GALNT18: variants seen among roughly 807,000 people sequenced by gnomAD.
GALNT18 encodes the protein polypeptide N-acetylgalactosaminyltransferase 18, also known as GalNAc-transferase 18.
GALNT18 carries 44 observed loss-of-function variants against 69.5 expected under a neutral mutation model. The observed-to-expected ratio is 0.63, with a 90% CI of 0.50 to 0.81. GALNT18 has a LOEUF of 0.81. GALNT18 is among the 40% of genes least tolerant of loss of function. GALNT18 has a pLI of 0.00. For missense variants in GALNT18, 715 were observed against 810.0 expected (o/e 0.88, Z 1.42); for synonymous variants, 364 against 318.2 (o/e 1.14, Z -1.53).
At chr11:11,520,820 G>A (rs1447981757) in intron 1 of GALNT18, among the ~76,000 whole-genome samples, 1 of 152,156 alleles carries the variant, frequency 6.6e-6, no homozygotes, top group Non-Finnish European at 1.5e-5. Context: ...GAGGGGCGTG[G>A]GCCAGGCAAG....
intron 1 of GALNT18, among the ~76,000 whole-genome samples, chr11:11,504,759 A>AT (rs1279850708): frequency 5.8e-5 from 6 of 102,710 alleles, no homozygotes; most frequent in East Asian, 4.3e-4. Flanking sequence ...CCCCATCTCA[A>AT]AATATATATA....
chr11:11,397,062 AC>A (rs1854349294), intron 3 of GALNT18, among the ~76,000 whole-genome samples: 1 of 151,766 alleles, frequency 6.6e-6, no homozygotes, highest in Admixed American at 6.6e-5. Context: ...ACATACACAG[AC>A]CCCCTTTTGC....
At chr11:11,481,877 T>C (rs1856538173) in intron 1 of GALNT18, among the ~76,000 whole-genome samples, 1 of 152,234 alleles carries the variant, frequency 6.6e-6, no homozygotes, top group East Asian at 1.9e-4. Context: ...CATAGCTCAG[T>C]GTCAGGCCCC....
chr11:11,321,201 A>G (rs1183169736), intron 9 of GALNT18, among the ~76,000 whole-genome samples: 1 of 152,194 alleles, frequency 6.6e-6, no homozygotes, highest in Non-Finnish European at 1.5e-5. Context: ...AAGAAGCCCA[A>G]TCCAGCTTTA....
chr11:11,313,282 T>A (rs906139091), intron 9 of GALNT18, among the ~76,000 whole-genome samples: 1 of 152,140 alleles, frequency 6.6e-6, no homozygotes, highest in Non-Finnish European at 1.5e-5. Flanking sequence ...AGGGAGCTGA[T>A]GAGCCTGTGG....
intron 3 of GALNT18, among the ~76,000 whole-genome samples, chr11:11,401,508 A>G (rs563441288): frequency 4.6e-5 from 7 of 152,288 alleles, no homozygotes; most frequent in East Asian, 1.9e-4. Context: ...CCTGTAACGC[A>G]TGCAGATGCT....
intron 1 of GALNT18, among the ~76,000 whole-genome samples, chr11:11,460,222 G>A (rs950281215): frequency 1.4e-4 from 21 of 152,150 alleles, no homozygotes; most frequent in African/African-American, 4.8e-4. Flanking sequence ...CAGGTTCCAG[G>A]GATTAGGATG....
intron 9 of GALNT18, among the ~76,000 whole-genome samples, chr11:11,323,345 G>C (rs183034699): frequency 6.6e-6 from 1 of 152,332 alleles, no homozygotes; most frequent in East Asian, 1.9e-4. Flanking sequence ...ACACAACTGT[G>C]GGAAAGGCAT....
Position 11,584,913 on chromosome 11 carries a change from A to G in GALNT18, c.235+36446T>C, listed in dbSNP as rs1349571143. ...GATAATATTTTTCCCCAGTGATAAAATCCAAGCTTTTAAGGAAAATTTATA... is the reference window on the plus strand; with the variant it reads ...GATAATATTTTTCCCCAGTGATAAAGTCCAAGCTTTTAAGGAAAATTTATA... On this transcript the variant is annotated intron_variant, in intron 1 of 10. Coordinates refer to ENST00000227756, the MANE Select transcript of GALNT18 (RefSeq NM_198516.3). The surrounding 1 kb of genome is among the most constrained non-coding windows in gnomAD (Gnocchi z 4.1). Among the ~76,000 whole-genome samples the G allele has an allele frequency of 3.3e-5, 5 of 152,344 alleles. No homozygotes were observed. The highest frequency in any genetic ancestry group is 1.2e-4 in the African/African-American group (5 of 41,586).
intron 1 of GALNT18, among the ~76,000 whole-genome samples, chr11:11,547,252 C>A (rs1858076425): frequency 6.6e-6 from 1 of 151,508 alleles, no homozygotes; most frequent in East Asian, 2.0e-4. Context: ...TCTCCTAGTT[C>A]TGGGTGAGAC....
chr11:11,373,466 C>G (rs1221797449), intron 5 of GALNT18, among the ~76,000 whole-genome samples: 1 of 152,188 alleles, frequency 6.6e-6, no homozygotes, highest in Non-Finnish European at 1.5e-5. Flanking sequence ...CTCATCAATA[C>G]AGGGGCACAG....
intron 10 of GALNT18, among the ~76,000 whole-genome samples, chr11:11,289,878 G>C (rs1319947590): frequency 6.6e-6 from 1 of 152,190 alleles, no homozygotes; most frequent in Non-Finnish European, 1.5e-5. Context: ...AGGTGGGCTT[G>C]CTGTGCTATT....
intron 1 of GALNT18, among the ~76,000 whole-genome samples, chr11:11,513,791 A>G (rs1056250951): frequency 6.6e-6 from 1 of 152,074 alleles, no homozygotes; most frequent in Admixed American, 6.5e-5. Context: ...AACATAATTT[A>G]TTTATTTATT....
At chr11:11,362,449 A>G (rs541809559) in intron 6 of GALNT18, among the ~76,000 whole-genome samples, 2 of 152,302 alleles carry the variant, frequency 1.3e-5, no homozygotes, top group South Asian at 4.1e-4. Context: ...ATGATGGGCA[A>G]AGTATTACCA....
chr11:11,521,735 A>C (rs891094131), intron 1 of GALNT18, among the ~76,000 whole-genome samples: 10 of 152,174 alleles, frequency 6.6e-5, no homozygotes, highest in Non-Finnish European at 1.2e-4. Context: ...CTTCCGATGA[A>C]GCTTATGTGA....
At position 11,372,726 on chromosome 11, in the gene GALNT18, C is replaced by T; in HGVS notation, c.978-97G>A. The T allele has an allele frequency of 1.1e-6, 1 of 939,890 alleles. No individual in the cohort carries two copies. Among genetic ancestry groups the T allele is most frequent in the Non-Finnish European group, 1.7e-6 (1 of 602,146 alleles). The allele number at this position is 939,890 out of a possible 1,614,324, so 58.2% of individuals were successfully genotyped here. On this transcript the variant is annotated intron_variant, in intron 5 of 10. Coordinates refer to ENST00000227756, the MANE Select transcript of GALNT18 (RefSeq NM_198516.3). This position sits in a 1 kb window ranked among gnomAD's most constrained non-coding sequence, Gnocchi z 4.9. ...CTATCAGGAGGGTCTGGTTCTCTTCCTTCCTTTGCTGCCAGAGCCAGTGTG... is the reference window on the plus strand; with the variant it reads ...CTATCAGGAGGGTCTGGTTCTCTTCTTTCCTTTGCTGCCAGAGCCAGTGTG...
In GALNT18 at chr11:11,415,522, T is replaced by C. The variant is rs1476819961; in HGVS notation, c.595+17099A>G. 6.6e-6 allele frequency among the ~76,000 whole-genome samples: 1 copy of C among 151,848 alleles called. No homozygotes were observed. The highest frequency in any genetic ancestry group is 2.4e-5 in the African/African-American group (1 of 41,308). Reference sequence around the variant, plus strand: ...ATAAGTAAAAACAAAAAGAGTCTAGTGGGAAATATGAGAAAGGAGAGGAGA... The same window carrying C: ...ATAAGTAAAAACAAAAAGAGTCTAGCGGGAAATATGAGAAAGGAGAGGAGA... On this transcript the variant is annotated intron_variant, in intron 3 of 10. Transcript: ENST00000227756. This position sits in a 1 kb window ranked among gnomAD's most constrained non-coding sequence, Gnocchi z 4.1.
rs1049449960 is a variant in GALNT18 at position 11,586,269 on chromosome 11, A to T, written c.235+35090T>A. Among the ~76,000 whole-genome samples the T allele has an allele frequency of 5.3e-5, 8 of 152,166 alleles. No individual in the cohort carries two copies. Among genetic ancestry groups the T allele is most frequent in the African/African-American group, 1.7e-4 (7 of 41,436 alleles). Reference sequence around the variant, plus strand: ...TGTGCTACTTATGTTAATTTATGTAATTGGGTTTATTATTGCCATTGTTAA... The same window carrying T: ...TGTGCTACTTATGTTAATTTATGTATTTGGGTTTATTATTGCCATTGTTAA... On this transcript the variant is annotated intron_variant, in intron 1 of 10. Coordinates refer to ENST00000227756, the MANE Select transcript of GALNT18 (RefSeq NM_198516.3). This position sits in a 1 kb window ranked among gnomAD's most constrained non-coding sequence, Gnocchi z 4.1.
At chr11:11,446,287 G>T (rs1193770130) in intron 2 of GALNT18, among the ~76,000 whole-genome samples, 4 of 152,214 alleles carry the variant, frequency 2.6e-5, no homozygotes, top group Admixed American at 2.6e-4. Flanking sequence ...CCCAGTTGTT[G>T]TTATAACCAG....
Sources: allele counts gnomAD v4.1 joint callset (sites outside exome capture counted in the v4.1 genomes callset), GRCh38; gene constraint gnomAD v4.1.1; non-coding constraint Gnocchi (gnomAD v3.1); transcripts MANE v1.5; gene names NCBI Gene and HGNC (gene_info 2026-07-23, HGNC 2026-07-21).